Variants in INTS11 observed in about 807,000 individuals in gnomAD.
INTS11 encodes CPSF3-like protein.
INTS11 carries 77 observed loss-of-function variants against 78.6 expected under a neutral mutation model. The observed-to-expected ratio is 0.98, with a 90% CI of 0.81 to 1.18. The LOEUF (loss-of-function observed/expected upper bound fraction) is 1.18. Among genes scored for constraint, INTS11 ranks in the 50% most tolerant of loss-of-function variants. INTS11 has a pLI of 0.00. For missense variants in INTS11, 875 were observed against 825.9 expected (o/e 1.06, Z -0.73); for synonymous variants, 441 against 326.9 (o/e 1.35, Z -3.77).
At chr1:1,318,773 A>T (rs1471702660) in intron 4 of INTS11, 1 of 540,902 alleles carries the variant, frequency 1.8e-6, no homozygotes, top group Non-Finnish European at 3.4e-6. Context: ...GAAATATAAA[A>T]GCAATACCCA....
At position 1,312,651 on chromosome 1, in the gene INTS11, T is replaced by C. The variant is rs1335275885; in HGVS notation, c.1344A>G (p.Thr448=). The change falls in exon 13 of 17, where the codon ACA becomes ACG. Residue 448 remains threonine, a synonymous_variant. Transcript: ENST00000435064. ...PANGETVTLP[T]SPSIPVGISL... ...AGATGCCTACGGGGATGCTGGGGCT[T>C]GTGGGCAGCGTCACCGTCTCGCCAT... 5 of 1,594,114 alleles carry C rather than the reference T, an allele frequency of 3.1e-6. No homozygotes were observed. Among genetic ancestry groups the C allele is most frequent in the South Asian group, 2.2e-5 (2 of 89,584 alleles).
rs566167631 is a variant in INTS11, at chr1:1,313,295, AGGGCT to A, written c.1042-176_1042-172del. On this transcript the variant is annotated intron_variant, in intron 10 of 16. Coordinates refer to ENST00000435064, the MANE Select transcript of INTS11 (RefSeq NM_017871.6). ...CTCAGGTTTTGGCACAAGACTGTCC[AGGGCT>A]GGGCTGGGGCTGTTCTGCCCGAGGT... 1.6e-3 allele frequency: 1,476 copies of A among 915,648 alleles called. 10 individuals are homozygous for A. The highest frequency in any genetic ancestry group is 7.5e-3 in the Middle Eastern group (25 of 3,354). 56.7% of individuals were successfully genotyped at this position (915,648 alleles called of 1,614,324 possible).
intron 9 of INTS11, 26 bp from the exon 10 acceptor site, chr1:1,313,618 G>A: frequency 6.2e-7 from 1 of 1,612,706 alleles, no homozygotes; most frequent in Non-Finnish European, 8.5e-7. Context: ...GGCCAGGTGG[G>A]GGGTCAGGGC....
intron 2 of INTS11, 150 bp from the exon 3 acceptor site, chr1:1,320,679 C>T (rs1450756874): frequency 1.2e-6 from 1 of 826,840 alleles, no homozygotes; most frequent in Admixed American, 1.9e-5. Context: ...ACCAGGACCC[C>T]TGGCTGCTCA....
Position 1,312,614 on chromosome 1 carries a change from G to A in INTS11, c.1381C>T (p.Leu461=). 6.3e-7 allele frequency: 1 copy of A among 1,576,572 alleles called. No homozygotes were observed. The highest frequency in any genetic ancestry group is 8.6e-7 in the Non-Finnish European group (1 of 1,156,830). ...SIPVGISLGL[L]KREMAQGLLP... ...ATACCCTGCGCCATCTCCCGCTTCAGCAGCCCCAGCGAGATGCCTACGGGG... is the reference window on the plus strand; with the variant it reads ...ATACCCTGCGCCATCTCCCGCTTCAACAGCCCCAGCGAGATGCCTACGGGG... The change falls in exon 13 of 17, where the codon CTG becomes TTG. Residue 461 remains leucine, a synonymous_variant. Coordinates refer to ENST00000435064, the MANE Select transcript of INTS11 (RefSeq NM_017871.6).
At chr1:1,318,957 G>A (rs1340987479) in intron 4 of INTS11, 1 of 717,210 alleles carries the variant, frequency 1.4e-6, no homozygotes, top group South Asian at 1.5e-5. Context: ...AACACCCCGG[G>A]AGCTCCAGCG....
In INTS11 at chr1:1,319,463, C is replaced by T. The variant is rs761966262; in HGVS notation, c.262G>A (p.Gly88Arg). ...GTGGGGTGAGTCATGTAGATGGGCCCGTCGTAGCCCACCATCTCGCTGAAG... is the reference window on the plus strand; with the variant it reads ...GTGGGGTGAGTCATGTAGATGGGCCTGTCGTAGCCCACCATCTCGCTGAAG... ...PYFSEMVGYD[G>R]PIYMTHPTQA... is the part of the protein sequence containing the mutation. Residue 88 changes from glycine to arginine, a missense_variant, in exon 4 of 17, where the codon GGG becomes AGG. Physicochemically the swap from Gly to Arg is moderately radical, Grantham distance 125. Coordinates refer to ENST00000435064, the MANE Select transcript of INTS11 (RefSeq NM_017871.6). The T allele has an allele frequency of 3.1e-6, 5 of 1,609,190 alleles. No individual in the cohort carries two copies. Among genetic ancestry groups the T allele is most frequent in the Non-Finnish European group, 4.2e-6 (5 of 1,177,520 alleles).
intron 13 of INTS11, 35 bp from the exon 14 acceptor site, chr1:1,312,536 G>C: frequency 2.5e-6 from 4 of 1,581,110 alleles, no homozygotes; most frequent in Non-Finnish European, 3.4e-6. Flanking sequence ...TCAATGTGAG[G>C]GCCGCTCCCA....
At chr1:1,324,488 G>T in intron 1 of INTS11, 93 bp downstream of exon 1, 1 of 1,347,428 alleles carries the variant, frequency 7.4e-7, no homozygotes, top group Non-Finnish European at 1.0e-6. Flanking sequence ...CGCGCACCTG[G>T]CTCCACGAGA....
In INTS11 at chr1:1,313,745, T is replaced by C. The variant is rs762108167; in HGVS notation, c.944A>G (p.Asn315Ser). The change falls in exon 9 of 17, where the codon AAC becomes AGC. Residue 315 changes from asparagine to serine, a missense_variant. Transcript: ENST00000435064. ...IKAFDRAFAD[N>S]PGPMVVFATP... is the part of the protein sequence containing the mutation. ...CGCGGGCCTCACCATCGGTCCTGGG[T>C]TGTCAGCAAAAGCCCGGTCGAAGGC... 5 of 1,612,810 alleles carry C rather than the reference T, an allele frequency of 3.1e-6. No individual in the cohort carries two copies. The highest frequency in any genetic ancestry group is 1.6e-4 in the Middle Eastern group (1 of 6,082).
At chr1:1,320,056 A>G (rs951012058) in intron 3 of INTS11, 3 of 225,288 alleles carry the variant, frequency 1.3e-5, no homozygotes, top group Non-Finnish European at 2.7e-5. Context: ...GCAGGGGGCC[A>G]GCAGGAGTGC....
chr1:1,314,748 C>A lies in INTS11; in HGVS notation c.702+76G>T, dbSNP rs1351068333. 2 of 1,531,898 alleles carry A rather than the reference C, an allele frequency of 1.3e-6. No homozygotes were observed. The highest frequency in any genetic ancestry group is 1.4e-5 in the African/African-American group (1 of 73,354). The allele number at this position is 1,531,898 out of a possible 1,614,324, so 94.9% of individuals were successfully genotyped here. A position where few individuals can be genotyped will look rare whatever the true frequency, so the allele number is the denominator to read the frequency against. The stretch of plus-strand genomic sequence containing the variant: ...CCCACCCTGAGACCCTGACCCATGC[C>A]AAGGGCAGCCAAGCCTGCCAGAAAG... On this transcript the variant is annotated intron_variant, in intron 7 of 16. Transcript: ENST00000435064. This position sits in a 1 kb window ranked among gnomAD's most constrained non-coding sequence, Gnocchi z 4.2.
chr1:1,313,158 C>T lies in INTS11; in HGVS notation c.1042-34G>A, dbSNP rs768561022. 7 of 1,587,524 alleles carry T rather than the reference C, an allele frequency of 4.4e-6. No individual in the cohort carries two copies. The Middle Eastern group carries it at 5.0e-4, about 113-fold the overall frequency. ...AGGCACAGAGCTCACAGCCAGGGAA[C>T]TCCAGCCTTGGCACCTCAAGGCCTT... On this transcript the variant is annotated intron_variant, in intron 10 of 16. Transcript: ENST00000435064.
chr1:1,315,209 A>G (rs1202412158), intron 6 of INTS11, 195 bp downstream of exon 6: 7 of 742,806 alleles, frequency 9.4e-6, no homozygotes, highest in African/African-American at 3.5e-5. Context: ...GAAGAGAGAG[A>G]AGGAGGGACA....
chr1:1,312,708 C>G lies in INTS11; in HGVS notation c.1295-8G>C, dbSNP rs111656656. On this transcript the variant is annotated splice_polypyrimidine_tract_variant and splice_region_variant and intron_variant, in intron 12 of 16. Coordinates refer to ENST00000435064, the MANE Select transcript of INTS11 (RefSeq NM_017871.6). ...GCATGTAGCAGTTGACCCCTGGACC[C>G]CGGGGGAAGAGAGAGCCTCAGCCCA... 1 of 1,590,886 alleles carries G rather than the reference C, an allele frequency of 6.3e-7. No homozygotes were observed.
chr1:1,314,971 C>G lies in INTS11; in HGVS notation c.564-9G>C. ...TGTCAATCCAGGCAGCTCTGGAACA[C>G]GGGGGTGGGGGTGTGAGCCACGATG... On this transcript the variant is annotated splice_polypyrimidine_tract_variant and intron_variant, in intron 6 of 16. Coordinates refer to ENST00000435064, the MANE Select transcript of INTS11 (RefSeq NM_017871.6). This position sits in a 1 kb window ranked among gnomAD's most constrained non-coding sequence, Gnocchi z 4.2. The G allele has an allele frequency of 6.2e-7, 1 of 1,611,532 alleles. No individual in the cohort carries two copies. The highest frequency in any genetic ancestry group is 8.5e-7 in the Non-Finnish European group (1 of 1,178,832).
Position 1,312,961 on chromosome 1 carries a change from A to G in INTS11, c.1132-12T>C. The G allele has an allele frequency of 6.2e-7, 1 of 1,611,702 alleles. No homozygotes were observed. Among genetic ancestry groups the G allele is most frequent in the East Asian group, 2.2e-5 (1 of 44,844 alleles). On this transcript the variant is annotated splice_polypyrimidine_tract_variant and intron_variant, in intron 11 of 16. Transcript: ENST00000435064. The stretch of plus-strand genomic sequence containing the variant: ...ATCTTGACCTCCAGCTACAGAGGCC[A>G]CGGGGCGTGGACAGTGGTTACCACC...
chr1:1,323,881 GA>G (rs1643121897), intron 1 of INTS11, among the ~76,000 whole-genome samples: 1 of 31,618 alleles, frequency 3.2e-5, no homozygotes, highest in Non-Finnish European at 6.2e-5. Flanking sequence ...CTGGGGGGCT[GA>G]GGGGCTTGCG....
chr1:1,318,760 C>G (rs186657270), intron 4 of INTS11: 2 of 524,624 alleles, frequency 3.8e-6, no homozygotes, highest in African/African-American at 1.9e-5. Flanking sequence ...AATATAGTTT[C>G]AAGAAATATA....
Sources: gnomAD v4.1 joint callset for allele counts (sites outside exome capture counted in the v4.1 genomes callset) on GRCh38, gnomAD v4.1.1 for gene constraint, Gnocchi (gnomAD v3.1) non-coding constraint, MANE v1.5 for transcripts, NCBI Gene and HGNC (gene_info 2026-07-23, HGNC 2026-07-21) for gene names.